Variants in NOTUM observed in about 807,000 individuals in gnomAD.
NOTUM encodes the protein notum, palmitoleoyl-protein carboxylesterase, also known as palmitoleoyl-protein carboxylesterase NOTUM.
In NOTUM, 36 loss-of-function variants were observed where a neutral mutation model predicts 65.5. That is an observed-to-expected ratio of 0.55 (90% CI 0.42 to 0.73). The LOEUF (loss-of-function observed/expected upper bound fraction) is 0.73, where lower values mean the gene tolerates loss of function less well. Among genes scored for constraint, NOTUM ranks in the 30% least tolerant of loss-of-function variants. The probability of loss-of-function intolerance (pLI) is 0.00; values close to 1 mark genes in which losing one functional copy is unlikely to be tolerated. For synonymous variants in NOTUM, 356 were observed against 297.9 expected (o/e 1.20, Z -2.01); for missense variants, 659 against 694.2 (o/e 0.95, Z 0.57).
At chr17:81,959,027 C>T (rs901357073) in intron 3 of NOTUM, 32 bp from the exon 4 acceptor site, 14 of 1,595,754 alleles carry the variant, frequency 8.8e-6, no homozygotes, top group African/African-American at 4.0e-5. Flanking sequence ...GTCTTTCTAG[C>T]GGGAGGAGGC....
Position 81,958,969 on chromosome 17 carries a change from C to A in NOTUM, c.499G>T (p.Glu167Ter). The A allele has an allele frequency of 6.2e-7, 1 of 1,613,202 alleles. No homozygotes were observed. Residue 167 changes from glutamate (E) to a stop codon, truncating the protein, a stop_gained, in exon 4 of 11, where the codon GAG becomes TAG. Transcript: ENST00000409678. LOFTEE classifies it high-confidence loss of function. ...TGTGILSSQP[E>*]ENPYWWNANM... The stretch of plus-strand genomic sequence containing the variant: ...GCGTTCCACCAGTAGGGGTTCTCCT[C>A]CGGCTGTGAGGACAGGATCCCTGTG...
intron 8 of NOTUM, among the ~76,000 whole-genome samples, chr17:81,956,164 T>C (rs2041431863): frequency 1.3e-5 from 2 of 152,210 alleles, no homozygotes; most frequent in African/African-American, 4.8e-5. Flanking sequence ...GTTTAACCCC[T>C]CCATGACCTT....
At chr17:81,957,142 A>G in intron 6 of NOTUM, 68 bp from the exon 7 acceptor site, 1 of 1,386,536 alleles carries the variant, frequency 7.2e-7, no homozygotes, top group African/African-American at 1.4e-5. Context: ...GAGTCTGCTC[A>G]GCGTCAGCCC....
chr17:81,954,324 G>T (rs1414052363), intron 9 of NOTUM, 21 bp from the exon 10 acceptor site: 19 of 1,598,844 alleles, frequency 1.2e-5, no homozygotes, highest in Non-Finnish European at 1.5e-5. Context: ...GGAGACAGTG[G>T]CTTGTGAGCT....
chr17:81,955,295 T>G, intron 9 of NOTUM, 102 bp downstream of exon 9: 2 of 1,128,076 alleles, frequency 1.8e-6, no homozygotes, highest in Non-Finnish European at 1.2e-6. Flanking sequence ...AGACCTCTAT[T>G]TTTTTTTGTT....
Position 81,953,077 on chromosome 17 carries a change from G to T in NOTUM, c.1375C>A (p.Gln459Lys), listed in dbSNP as rs1176867088. 4.3e-6 allele frequency: 7 copies of T among 1,613,912 alleles called. No individual in the cohort carries two copies. The Admixed American group carries it at 1.2e-4, about 27-fold the overall frequency. Residue 459 changes from glutamine (Q) to lysine (K), a missense_variant, in exon 11 of 11, where the codon CAA (glutamine) becomes AAA (lysine). Gln to Lys is a moderately conservative substitution (Grantham distance 53). Transcript: ENST00000409678. ...CPTVRDQFTGQEMNVAQFLMH... is the reference protein window; with the variant it reads ...CPTVRDQFTGKEMNVAQFLMH... ...AGGAACTGGGCCACGTTCATCTCTTGCCCCGTGAACTGGTCTCGGACGGTG... is the reference window on the plus strand; with the variant it reads ...AGGAACTGGGCCACGTTCATCTCTTTCCCCGTGAACTGGTCTCGGACGGTG...
chr17:81,961,001 G>GGGCC lies in NOTUM; in HGVS notation c.-93_-92insGGCC. On this transcript the variant is annotated 5_prime_UTR_variant, in exon 1 of 11. Transcript: ENST00000409678. ...CCGGGGGTGCCGGGCCGGGGGTGTC[G>GGGCC]GGGGCACTGGCCGCTCCTGCTCCCT... 2 of 589,878 alleles carry GGGCC rather than the reference G, an allele frequency of 3.4e-6. No homozygotes were observed. The highest frequency in any genetic ancestry group is 4.6e-6 in the Non-Finnish European group (2 of 435,296). 36.5% of individuals were successfully genotyped at this position (589,878 alleles called of 1,614,324 possible).
In NOTUM at chr17:81,958,371, C is replaced by T; in HGVS notation, c.556G>A (p.Asp186Asn). The change falls in exon 5 of 11, where the codon GAT becomes AAT. Residue 186 changes from aspartate to asparagine, a missense_variant. Asp to Asn is a conservative substitution (Grantham distance 23). Transcript: ENST00000409678. ...TTGGATGAAGCCCCGCTCCAAACAT[C>T]ACTGGAGCAGTAGGGGATGAAGCTG... ...NMVFIPYCSS[D>N]VWSGASSKSE... is the part of the protein sequence containing the mutation. The T allele has an allele frequency of 6.2e-7, 1 of 1,610,490 alleles. No homozygotes were observed. The highest frequency in any genetic ancestry group is 8.5e-7 in the Non-Finnish European group (1 of 1,178,088).
At chr17:81,957,600 C>T (rs1484328980) in intron 6 of NOTUM, among the ~76,000 whole-genome samples, 2 of 152,154 alleles carry the variant, frequency 1.3e-5, no homozygotes, top group Non-Finnish European at 2.9e-5. Context: ...TGTCTGGTTA[C>T]CCAGCACTCT....
In NOTUM at chr17:81,952,660, T is replaced by G. The variant is rs2041395880; in HGVS notation, c.*301A>C. 2.4e-6 allele frequency: 1 copy of G among 424,792 alleles called. No homozygotes were observed. The allele number at this position is 424,792 out of a possible 1,614,324, so 26.3% of individuals were successfully genotyped here. ...AAAAGGGCTTGATGGGTGGGGCCGG[T>G]GGGTGCTGTCTGAGCTGGTGGACTG... On this transcript the variant is annotated 3_prime_UTR_variant, in exon 11 of 11. Coordinates refer to ENST00000409678, the MANE Select transcript of NOTUM (RefSeq NM_178493.6).
intron 9 of NOTUM, among the ~76,000 whole-genome samples, 166 bp downstream of exon 9, chr17:81,955,231 T>TG (rs1232986360): frequency 1.3e-5 from 2 of 152,206 alleles, no homozygotes; most frequent in Non-Finnish European, 2.9e-5. Context: ...TCCACCTGCA[T>TG]GGGCCTCCCA....
At position 81,960,607 on chromosome 17, in the gene NOTUM, G is replaced by A. The variant is rs749100666; in HGVS notation, c.303C>T (p.Cys101=). The change falls in exon 1 of 11, where the codon TGC becomes TGT. Residue 101 remains cysteine, a synonymous_variant. Transcript: ENST00000409678. The surrounding 1 kb of genome is among the most constrained non-coding windows in gnomAD (Gnocchi z 6.4). Reference sequence around the variant, plus strand: ...CTTACCCGGCGGGGCTGCCGTCGTTGCAGGTCACCGAGGTGTTGAGTAGGA... The same window carrying A: ...CTTACCCGGCGGGGCTGCCGTCGTTACAGGTCACCGAGGTGTTGAGTAGGA... ...LHLLLNTSVT[C]NDGSPAGYYL... is the part of the protein sequence containing the mutation. The A allele has an allele frequency of 2.2e-5, 34 of 1,514,098 alleles. No homozygotes were observed. Among genetic ancestry groups the A allele is most frequent in the Admixed American group, 2.0e-5 (1 of 50,252 alleles). 93.8% of individuals were successfully genotyped at this position (1,514,098 alleles called of 1,614,324 possible).
intron 8 of NOTUM, 21 bp downstream of exon 8, chr17:81,956,629 T>G: frequency 6.5e-7 from 1 of 1,541,028 alleles, no homozygotes; most frequent in South Asian, 1.1e-5. Flanking sequence ...CCCTGTGTGC[T>G]CCGCTCTGCC....
chr17:81,960,905 C>T lies in NOTUM; in HGVS notation c.5G>A (p.Gly2Asp). Residue 2 changes from glycine (G) to aspartate (D), a missense_variant, in exon 1 of 11, where the codon GGC becomes GAC. Gly to Asp is a moderately conservative substitution (Grantham distance 94). Transcript: ENST00000409678. This position sits in a 1 kb window ranked among gnomAD's most constrained non-coding sequence, Gnocchi z 6.4. MGRGVRVLLLLS... is the reference protein window; with the variant it reads MDRGVRVLLLLS... ...CAGCAGCAGCACGCGCACCCCTCGGCCCATGGCCGCGTCCACCTGCGGGGA... is the reference window on the plus strand; with the variant it reads ...CAGCAGCAGCACGCGCACCCCTCGGTCCATGGCCGCGTCCACCTGCGGGGA... 8.0e-7 allele frequency: 1 copy of T among 1,253,352 alleles called. No homozygotes were observed. Among genetic ancestry groups the T allele is most frequent in the Non-Finnish European group, 1.0e-6 (1 of 999,260 alleles). The allele number at this position is 1,253,352 out of a possible 1,614,324, so 77.6% of individuals were successfully genotyped here.
At chr17:81,957,384 G>A (rs2041441433) in intron 6 of NOTUM, among the ~76,000 whole-genome samples, 1 of 152,094 alleles carries the variant, frequency 6.6e-6, no homozygotes, top group Non-Finnish European at 1.5e-5. Flanking sequence ...TGTGGCCTCA[G>A]GCCCCATCAT....
rs1038583550 is a variant in NOTUM, at chr17:81,960,059, G to C, written c.324-367C>G. Among the ~76,000 whole-genome samples, 3 of 152,056 alleles carry C rather than the reference G, an allele frequency of 2.0e-5. No homozygotes were observed. Among genetic ancestry groups the C allele is most frequent in the East Asian group, 3.9e-4 (2 of 5,178 alleles). On this transcript the variant is annotated intron_variant, in intron 1 of 10. Coordinates refer to ENST00000409678, the MANE Select transcript of NOTUM (RefSeq NM_178493.6). This position sits in a 1 kb window ranked among gnomAD's most constrained non-coding sequence, Gnocchi z 6.4. ...TTGGCGGGGGAACGGGACGCCGCGGGGAGCGCGGGAGGCGCGGGCGGCACC... is the reference window on the plus strand; with the variant it reads ...TTGGCGGGGGAACGGGACGCCGCGGCGAGCGCGGGAGGCGCGGGCGGCACC...
Position 81,953,278 on chromosome 17 carries a change from A to C in NOTUM, c.1185-11T>G. 1.3e-6 allele frequency: 2 copies of C among 1,564,380 alleles called. No homozygotes were observed. The highest frequency in any genetic ancestry group is 1.7e-6 in the Non-Finnish European group (2 of 1,152,374). On this transcript the variant is annotated splice_polypyrimidine_tract_variant and intron_variant, in intron 10 of 10. Coordinates refer to ENST00000409678, the MANE Select transcript of NOTUM (RefSeq NM_178493.6). ...ACATCCGTCCAGTGGCTGCAGAGGA[A>C]AACCGGGGGAGGGGGTCACATGTGC...
chr17:81,958,809 A>T (rs575802295), intron 4 of NOTUM, 126 bp downstream of exon 4: 1 of 728,604 alleles, frequency 1.4e-6, no homozygotes, highest in African/African-American at 1.8e-5. Context: ...GGACCTCCCC[A>T]AAAGAACCAT....
Position 81,958,989 on chromosome 17 carries a change from C to T in NOTUM, c.479G>A (p.Gly160Glu). ...RDWPRTRTGT[G>E]ILSSQPEENP... ...CTCCTCCGGCTGTGAGGACAGGATCCCTGTGCCTGGGGACACAGAGGCGGT... is the reference window on the plus strand; with the variant it reads ...CTCCTCCGGCTGTGAGGACAGGATCTCTGTGCCTGGGGACACAGAGGCGGT... Residue 160 changes from glycine (G) to glutamate (E), a missense_variant, in exon 4 of 11, where the codon GGG becomes GAG. Gly to Glu is a moderately conservative substitution (Grantham distance 98). Coordinates refer to ENST00000409678, the MANE Select transcript of NOTUM (RefSeq NM_178493.6). The T allele has an allele frequency of 1.2e-6, 2 of 1,612,952 alleles. No individual in the cohort carries two copies. The highest frequency in any genetic ancestry group is 2.2e-5 in the South Asian group (2 of 91,074).
Sources: allele counts gnomAD v4.1 joint callset (sites outside exome capture counted in the v4.1 genomes callset), GRCh38; gene constraint gnomAD v4.1.1; non-coding constraint Gnocchi (gnomAD v3.1); transcripts MANE v1.5; gene names NCBI Gene and HGNC (gene_info 2026-07-23, HGNC 2026-07-21).